NETO1: variants seen among roughly 807,000 people sequenced by gnomAD.
NETO1 encodes the protein neuropilin and tolloid-like protein 1.
In NETO1, 26 loss-of-function variants were observed where a neutral mutation model predicts 61.3. That is an observed-to-expected ratio of 0.42 (90% CI 0.31 to 0.59). The LOEUF (loss-of-function observed/expected upper bound fraction) is 0.59, where lower values mean the gene tolerates loss of function less well. Ranked by LOEUF, NETO1 falls within the 20% of genes least tolerant of loss-of-function variation. The pLI is 0.12. For missense variants in NETO1, 531 were observed against 662.8 expected (o/e 0.80, Z 2.18); for synonymous variants, 225 against 225.8 (o/e 1.00, Z 0.03).
At position 72,746,520 on chromosome 18, in the gene NETO1, G is replaced by C. The variant is rs1363068270; in HGVS notation, c.*1659C>G. Among the ~76,000 whole-genome samples the C allele has an allele frequency of 1.3e-5, 2 of 151,998 alleles. No individual in the cohort carries two copies. Among genetic ancestry groups the C allele is most frequent in the Non-Finnish European group, 1.5e-5 (1 of 67,962 alleles). On this transcript the variant is annotated 3_prime_UTR_variant, in exon 11 of 11. Coordinates refer to ENST00000327305, the MANE Select transcript of NETO1 (RefSeq NM_138966.5). Reference sequence around the variant, plus strand: ...TGTAGCTTGACATTTTTTCAAGATAGAGTGTTTATAATGGCTATGATAACT... The same window carrying C: ...TGTAGCTTGACATTTTTTCAAGATACAGTGTTTATAATGGCTATGATAACT...
intron 4 of NETO1, among the ~76,000 whole-genome samples, chr18:72,844,386 C>T (rs926494375): frequency 1.3e-5 from 2 of 152,180 alleles, no homozygotes; most frequent in African/African-American, 2.4e-5. Context: ...TCTGATACAT[C>T]GCACTCTTCC....
At position 72,791,723 on chromosome 18, in the gene NETO1, G is replaced by T. The variant is rs11151802; in HGVS notation, c.639+2394C>A. 6.3e-3 allele frequency among the ~76,000 whole-genome samples: 963 copies of T among 152,290 alleles called. 14 individuals are homozygous for T. The highest frequency in any genetic ancestry group is 0.022 in the African/African-American group (901 of 41,552). On this transcript the variant is annotated intron_variant, in intron 6 of 10. Transcript: ENST00000327305. ...CAAAAGTACTGGTTATGACAGTAAG[G>T]TGGGGCACATATAATCCTGTTTTTT...
intron 7 of NETO1, among the ~76,000 whole-genome samples, chr18:72,760,037 C>G (rs1352028595): frequency 6.6e-6 from 1 of 152,160 alleles, no homozygotes; most frequent in Non-Finnish European, 1.5e-5. Context: ...TTTGCTATTG[C>G]TTTTTGTCAC....
At chr18:72,835,080 G>A (rs1471829225) in intron 4 of NETO1, 1 of 1,094,814 alleles carries the variant, frequency 9.1e-7, no homozygotes, top group African/African-American at 1.7e-5. Context: ...ACCTTCATCT[G>A]GGTTTCAAGG....
intron 4 of NETO1, among the ~76,000 whole-genome samples, chr18:72,827,122 C>G (rs1437356195): frequency 6.8e-6 from 1 of 146,910 alleles, no homozygotes; most frequent in Non-Finnish European, 1.5e-5. Context: ...CGTAAGTTAC[C>G]TGGTTTAATA....
chr18:72,827,129 A>C (rs1244530386), intron 4 of NETO1, among the ~76,000 whole-genome samples: 1 of 147,926 alleles, frequency 6.8e-6, no homozygotes, highest in East Asian at 1.9e-4. Context: ...TACCTGGTTT[A>C]ATATCAACCT....
chr18:72,768,193 C>T (rs2071228490), intron 7 of NETO1, among the ~76,000 whole-genome samples: 1 of 152,124 alleles, frequency 6.6e-6, no homozygotes, highest in South Asian at 2.1e-4. Context: ...TCAAACACAT[C>T]TATACTTGCC....
chr18:72,834,621 T>G (rs1244361615), intron 4 of NETO1: 2 of 983,522 alleles, frequency 2.0e-6, no homozygotes, highest in Non-Finnish European at 2.4e-6. Flanking sequence ...TACAGGAAAT[T>G]TATGTTTATA....
chr18:72,774,542 A>T (rs953117082), intron 7 of NETO1, among the ~76,000 whole-genome samples: 9 of 152,216 alleles, frequency 5.9e-5, no homozygotes, highest in Non-Finnish European at 7.4e-5. Flanking sequence ...TCTTAAATTG[A>T]GTCCATAAAG....
At chr18:72,768,841 CAG>C (rs1237346395) in intron 7 of NETO1, among the ~76,000 whole-genome samples, 1 of 152,176 alleles carries the variant, frequency 6.6e-6, no homozygotes, top group African/African-American at 2.4e-5. Flanking sequence ...GGTCTCAGCC[CAG>C]TAAAACCTGT....
intron 7 of NETO1, among the ~76,000 whole-genome samples, chr18:72,780,354 T>C (rs1349333129): frequency 6.6e-6 from 1 of 152,200 alleles, no homozygotes; most frequent in Non-Finnish European, 1.5e-5. Flanking sequence ...CTTCAATGAC[T>C]TCTAGAGATA....
intron 6 of NETO1, among the ~76,000 whole-genome samples, chr18:72,785,439 T>G (rs532263410): frequency 1.3e-5 from 2 of 152,208 alleles, no homozygotes; most frequent in Non-Finnish European, 2.9e-5. Context: ...CCTGGATAGT[T>G]GCAAAGTACA....
chr18:72,748,090 A>G lies in NETO1; in HGVS notation c.*89T>C. On this transcript the variant is annotated 3_prime_UTR_variant, in exon 11 of 11. Coordinates refer to ENST00000327305, the MANE Select transcript of NETO1 (RefSeq NM_138966.5). ...GATAAAGGCAGTGGAATGAATTTAG[A>G]AATATGTCCACTTTTCACAATTCAC... 3 of 945,638 alleles carry G rather than the reference A, an allele frequency of 3.2e-6. No individual in the cohort carries two copies. The highest frequency in any genetic ancestry group is 3.8e-6 in the Non-Finnish European group (3 of 793,318). 58.6% of individuals were successfully genotyped at this position (945,638 alleles called of 1,614,324 possible). A position where few individuals can be genotyped will look rare whatever the true frequency, so the allele number is the denominator to read the frequency against.
intron 4 of NETO1, among the ~76,000 whole-genome samples, chr18:72,819,049 T>A (rs536334742): frequency 6.6e-6 from 1 of 152,236 alleles, no homozygotes; most frequent in Non-Finnish European, 1.5e-5. Context: ...ATTTTTTTAA[T>A]CTAACATTAG....
At chr18:72,857,329 AC>A (rs912173128) in intron 4 of NETO1, among the ~76,000 whole-genome samples, 6 of 152,204 alleles carry the variant, frequency 3.9e-5, no homozygotes, top group African/African-American at 1.4e-4. Context: ...AAAGAACAAA[AC>A]CCAGGGAACA....
In NETO1 at chr18:72,861,226, C is replaced by T. The variant is rs532196383; in HGVS notation, c.221-2152G>A. On this transcript the variant is annotated intron_variant, in intron 3 of 10. Coordinates refer to ENST00000327305, the MANE Select transcript of NETO1 (RefSeq NM_138966.5). ...CGCCATTATGGCTTTTGGTAGGCAA[C>T]ATTGTATGTGGATGATTTATTTTCT... Among the ~76,000 whole-genome samples, 10 of 152,348 alleles carry T rather than the reference C, an allele frequency of 6.6e-5. No individual in the cohort carries two copies. The East Asian group carries it at 7.7e-4, about 12-fold the overall frequency.
At chr18:72,776,262 G>A (rs79749808) in intron 7 of NETO1, among the ~76,000 whole-genome samples, 1,746 of 152,156 alleles carry the variant, frequency 0.011, 30 homozygotes, top group African/African-American at 0.04. Context: ...ATCCATTCCT[G>A]AGCAGATAAA....
In NETO1 at chr18:72,864,941, C is replaced by T. The variant is rs201432744; in HGVS notation, c.87G>A (p.Lys29=). The change falls in exon 3 of 11, where the codon AAG becomes AAA. Residue 29 remains lysine (K), a synonymous_variant. Coordinates refer to ENST00000327305, the MANE Select transcript of NETO1 (RefSeq NM_138966.5). ...LSGATKKGTE[K]QTTSETQKSV... ...ACTTCTGTGTTTCTGAGGTGGTTTG[C>T]TTTTCTGTTAAAAAAAAAAAAAAGT... The T allele has an allele frequency of 8.3e-6, 13 of 1,566,342 alleles. No individual in the cohort carries two copies. Among genetic ancestry groups the T allele is most frequent in the East Asian group, 2.3e-5 (1 of 43,508 alleles).
intron 6 of NETO1, among the ~76,000 whole-genome samples, chr18:72,786,278 A>G (rs2071914519): frequency 1.3e-5 from 2 of 152,214 alleles, no homozygotes. Flanking sequence ...AAATTATGAC[A>G]TAAAAGGACA....
Sources: allele counts gnomAD v4.1 joint callset (sites outside exome capture counted in the v4.1 genomes callset), GRCh38; gene constraint gnomAD v4.1.1; transcripts MANE v1.5; gene names NCBI Gene and HGNC (gene_info 2026-07-23, HGNC 2026-07-21).